Variants in PLPPR4 observed in about 807,000 individuals in gnomAD.
PLPPR4 encodes the protein phospholipid phosphatase-related protein type 4.
In PLPPR4, 24 loss-of-function variants were observed where a neutral mutation model predicts 56.6. The ratio of observed to expected loss-of-function variants is 0.42; its 90% CI spans 0.31 to 0.60. The LOEUF is 0.60. Ranked by LOEUF, PLPPR4 falls within the 20% of genes least tolerant of loss-of-function variation. The pLI is 0.13. For synonymous variants in PLPPR4, 326 were observed against 328.1 expected, an observed-to-expected ratio of 0.99 and a Z score of 0.07; for missense variants, 654 against 885.8, an observed-to-expected ratio of 0.74 and a Z score of 3.32.
chr1:99,287,770 A>T (rs1023226996), intron 1 of PLPPR4, among the ~76,000 whole-genome samples, 195 bp from the exon 2 acceptor site: 1 of 152,126 alleles, frequency 6.6e-6, no homozygotes, highest in African/African-American at 2.4e-5. Context: ...GGGTCAACAT[A>T]GATGCGTAAC....
Position 99,309,479 on chromosome 1 carries a change from G to A in PLPPR4, c.*2469G>A, listed in dbSNP as rs372001692. 4 of 152,468 alleles carry A rather than the reference G, an allele frequency of 2.6e-5. No homozygotes were observed. The highest frequency in any genetic ancestry group is 5.9e-5 in the Non-Finnish European group (4 of 67,980). The allele number at this position is 152,468 out of a possible 1,614,324, so 9.4% of individuals were successfully genotyped here. On this transcript the variant is annotated 3_prime_UTR_variant, in exon 7 of 7. Coordinates refer to ENST00000370185, the MANE Select transcript of PLPPR4 (RefSeq NM_014839.5). ...ATGCAATGTTTTCCAAACTGATAAA[G>A]TTTGTAAAGTGCTATAAATGTATTT...
chr1:99,290,897 A>T (rs1659599776), intron 2 of PLPPR4, among the ~76,000 whole-genome samples: 1 of 152,146 alleles, frequency 6.6e-6, no homozygotes, highest in South Asian at 2.1e-4. Context: ...AGATTTCATG[A>T]TGAAGACATC....
In PLPPR4 at chr1:99,306,063, A is replaced by C; in HGVS notation, c.1201A>C (p.Thr401Pro). ...TTCCGCTCGATCAAAGCAGCTCCTC[A>C]CCCAGTGGAAGAATAAGAATGAAAG... is the stretch of plus-strand genomic sequence containing the variant. ...MDSARSKQLLTQWKNKNESRK... is the reference protein window; with the variant it reads ...MDSARSKQLLPQWKNKNESRK... The change falls in exon 7 of 7, where the codon ACC becomes CCC. Residue 401 changes from threonine (T) to proline (P), a missense_variant. Physicochemically the swap from Thr to Pro is conservative, Grantham distance 38. Around this residue, in one of 2 missense-constraint regions of PLPPR4, gnomAD observed 468 missense variants for 554.3 expected, o/e 0.84. Coordinates refer to ENST00000370185, the MANE Select transcript of PLPPR4 (RefSeq NM_014839.5). This position sits in a 1 kb window ranked among gnomAD's most constrained non-coding sequence, Gnocchi z 4.0. 6.2e-7 allele frequency: 1 copy of C among 1,614,136 alleles called. No homozygotes were observed.
In PLPPR4 at chr1:99,300,903, T is replaced by C; in HGVS notation, c.591-6T>C. 6.2e-7 allele frequency: 1 copy of C among 1,610,616 alleles called. No homozygotes were observed. The highest frequency in any genetic ancestry group is 8.5e-7 in the Non-Finnish European group (1 of 1,177,152). The stretch of plus-strand genomic sequence containing the variant: ...AAGGCATAATTTGACTATCTTCTTT[T>C]GGCAGAAAGTCCTTCCCTTCTCAAC... On this transcript the variant is annotated splice_polypyrimidine_tract_variant and splice_region_variant and intron_variant, in intron 4 of 6. Coordinates refer to ENST00000370185, the MANE Select transcript of PLPPR4 (RefSeq NM_014839.5).
chr1:99,279,991 T>C (rs1251357826), intron 1 of PLPPR4, among the ~76,000 whole-genome samples: 1 of 152,122 alleles, frequency 6.6e-6, no homozygotes, highest in Non-Finnish European at 1.5e-5. Context: ...AACAAAGCAA[T>C]TTTCATGTTT....
At position 99,305,953 on chromosome 1, in the gene PLPPR4, C is replaced by G. The variant is rs2100813261; in HGVS notation, c.1091C>G (p.Thr364Ser). Residue 364 changes from threonine (T) to serine (S), a missense_variant, in exon 7 of 7, where the codon ACC becomes AGC. Coordinates refer to ENST00000370185, the MANE Select transcript of PLPPR4 (RefSeq NM_014839.5). Reference sequence around the variant, plus strand: ...CCCATGGGGAAGGAGAACATGGTTACCTTCAGCAATACCTTGCCGCGAGCC... The same window carrying G: ...CCCATGGGGAAGGAGAACATGGTTAGCTTCAGCAATACCTTGCCGCGAGCC... ...RSPMGKENMVTFSNTLPRANT... is the reference protein window; with the variant it reads ...RSPMGKENMVSFSNTLPRANT... The G allele has an allele frequency of 6.2e-7, 1 of 1,614,014 alleles. No homozygotes were observed. Among genetic ancestry groups the G allele is most frequent in the East Asian group, 2.2e-5 (1 of 44,890 alleles).
upstream of PLPPR4, among the ~76,000 whole-genome samples, chr1:99,263,787 G>A (rs959442639): frequency 1.3e-5 from 2 of 152,154 alleles, no homozygotes; most frequent in African/African-American, 2.4e-5. Flanking sequence ...AGAACATACA[G>A]TAGCCTCTGG....
chr1:99,272,341 A>G (rs1187670435), intron 1 of PLPPR4, among the ~76,000 whole-genome samples: 1 of 152,136 alleles, frequency 6.6e-6, no homozygotes. Context: ...ACACTGGTTA[A>G]TATCAGATCA....
chr1:99,301,447 C>T (rs1381547554), intron 5 of PLPPR4, among the ~76,000 whole-genome samples: 1 of 151,816 alleles, frequency 6.6e-6, no homozygotes, highest in Admixed American at 6.6e-5. Flanking sequence ...GAAAAATGAG[C>T]GAAATTATAC....
chr1:99,296,944 A>C, intron 3 of PLPPR4, 77 bp downstream of exon 3: 2 of 1,287,534 alleles, frequency 1.6e-6, no homozygotes, highest in Non-Finnish European at 2.0e-6. Flanking sequence ...ATAGATATTA[A>C]GTCTCGTACG....
chr1:99,272,930 C>T (rs1243801281), intron 1 of PLPPR4, among the ~76,000 whole-genome samples: 1 of 151,730 alleles, frequency 6.6e-6, no homozygotes, highest in Non-Finnish European at 1.5e-5. Flanking sequence ...GCCTAAAACT[C>T]AAGTAGTGCT....
chr1:99,268,544 A>G (rs915557409), intron 1 of PLPPR4, among the ~76,000 whole-genome samples: 1 of 152,118 alleles, frequency 6.6e-6, no homozygotes, highest in African/African-American at 2.4e-5. Flanking sequence ...GAATTTAGGG[A>G]TAGAATTATT....
chr1:99,284,212 A>C (rs144668942), intron 1 of PLPPR4, among the ~76,000 whole-genome samples: 2 of 152,242 alleles, frequency 1.3e-5, no homozygotes, highest in African/African-American at 4.8e-5. Context: ...TCTGTTGTTG[A>C]GCATTTCAAA....
At chr1:99,305,253 ACTT>A (rs974950425) in intron 6 of PLPPR4, among the ~76,000 whole-genome samples, 2 of 152,170 alleles carry the variant, frequency 1.3e-5, no homozygotes, top group African/African-American at 4.8e-5. Flanking sequence ...TATTTTGTAC[ACTT>A]CTTCTACTTT....
intron 1 of PLPPR4, among the ~76,000 whole-genome samples, chr1:99,269,358 C>T (rs142917379): frequency 0.011 from 1,653 of 152,316 alleles, 22 homozygotes; most frequent in African/African-American, 0.034. Context: ...CAAGTCTTTG[C>T]TACTGTGAAC....
chr1:99,293,244 G>A (rs1659667539), intron 2 of PLPPR4, among the ~76,000 whole-genome samples: 1 of 152,090 alleles, frequency 6.6e-6, no homozygotes, highest in South Asian at 2.1e-4. Flanking sequence ...GAATCATTCA[G>A]TATTTGCTTC....
Position 99,291,596 on chromosome 1 carries a change from TA to T in PLPPR4, c.264+3453del, listed in dbSNP as rs372563310. The stretch of plus-strand genomic sequence containing the variant: ...TACACCATGGAATACTATGCAGCCA[TA>T]AAAAAATGAAATCATGTCGTTTGCA... On this transcript the variant is annotated intron_variant, in intron 2 of 6. Coordinates refer to ENST00000370185, the MANE Select transcript of PLPPR4 (RefSeq NM_014839.5). Among the ~76,000 whole-genome samples, 558 of 152,168 alleles carry T rather than the reference TA, an allele frequency of 3.7e-3. 2 individuals are homozygous for T. Among genetic ancestry groups the T allele is most frequent in the East Asian group, 0.015 (80 of 5,186 alleles).
At chr1:99,274,000 T>C (rs1180231724) in intron 1 of PLPPR4, among the ~76,000 whole-genome samples, 3 of 152,084 alleles carry the variant, frequency 2.0e-5, no homozygotes, top group South Asian at 2.1e-4. Context: ...ATCTAGGACT[T>C]ACCTATGGAT....
Position 99,296,722 on chromosome 1 carries a change from C to A in PLPPR4, c.265-16C>A, listed in dbSNP as rs926645621. 4 of 1,575,192 alleles carry A rather than the reference C, an allele frequency of 2.5e-6. No homozygotes were observed. The highest frequency in any genetic ancestry group is 1.4e-5 in the African/African-American group (1 of 73,916). On this transcript the variant is annotated splice_polypyrimidine_tract_variant and intron_variant, in intron 2 of 6. Transcript: ENST00000370185. ...TTCCAACATGCCTCTTCCTGAATAC[C>A]CTTCTATCTTTGCAGATTATGGTAG...
Sources: gnomAD v4.1 joint callset for allele counts (sites outside exome capture counted in the v4.1 genomes callset) on GRCh38, gnomAD v4.1.1 for gene constraint, gnomAD v4.1.1 regional missense constraint, Gnocchi (gnomAD v3.1) non-coding constraint, MANE v1.5 for transcripts, NCBI Gene and HGNC (gene_info 2026-07-23, HGNC 2026-07-21) for gene names.